Variants in L3HYPDH observed in about 807,000 individuals in gnomAD.
L3HYPDH encodes trans-3-hydroxy-L-proline dehydratase.
A neutral mutation model predicts 26.5 loss-of-function variants in L3HYPDH; 32 were observed. That is an observed-to-expected ratio of 1.21 (90% CI 0.91 to 1.62). The LOEUF (loss-of-function observed/expected upper bound fraction) is 1.62, where lower values mean the gene tolerates loss of function less well. Among genes scored for constraint, L3HYPDH ranks in the 40% most tolerant of loss-of-function variants. L3HYPDH has a pLI of 0.00. For missense variants in L3HYPDH, 554 were observed against 476.4 expected, an observed-to-expected ratio of 1.16 and a Z score of -1.52; for synonymous variants, 215 against 196.6, an observed-to-expected ratio of 1.09 and a Z score of -0.78.
At chr14:59,504,081 A>T in the L3HYPDH span, 16 of 1,575,280 alleles carry the variant, frequency 1.0e-5, no homozygotes, top group Non-Finnish European at 1.4e-5. Flanking sequence ...GAGTGTAGAC[A>T]TGTGAAATGC....
rs753500660 is a variant in L3HYPDH, at chr14:59,473,041, T to A, written c.989A>T (p.Gln330Leu). 2.5e-6 allele frequency: 4 copies of A among 1,608,368 alleles called. No individual in the cohort carries two copies. Among genetic ancestry groups the A allele is most frequent in the Non-Finnish European group, 3.4e-6 (4 of 1,177,788 alleles). ...GCTTGCTGTACCCGTGTAATGGGCTTGTCCTGATACTTCCACTATAACAGC... is the reference window on the plus strand; with the variant it reads ...GCTTGCTGTACCCGTGTAATGGGCTAGTCCTGATACTTCCACTATAACAGC... Reference protein sequence around the residue: ...FKAVIVEVSGQAHYTGTASFI... With the variant: ...FKAVIVEVSGLAHYTGTASFI... The change falls in exon 5 of 5, where the codon CAA becomes CTA. Residue 330 changes from glutamine (Q) to leucine (L), a missense_variant. Physicochemically the swap from Gln to Leu is moderately radical, Grantham distance 113. Transcript: ENST00000247194.
At chr14:59,474,531 A>G in intron 4 of L3HYPDH, 1 of 699,824 alleles carries the variant, frequency 1.4e-6, no homozygotes, top group Non-Finnish European at 2.6e-6. Flanking sequence ...CAGCTCCTAT[A>G]ATATAAAGCC....
intron 1 of L3HYPDH, among the ~76,000 whole-genome samples, chr14:59,483,131 T>C (rs1890158943): frequency 6.6e-6 from 1 of 152,184 alleles, no homozygotes; most frequent in African/African-American, 2.4e-5. Flanking sequence ...ATACAGTATC[T>C]TGCATACTCT....
At chr14:59,503,719 G>A in the L3HYPDH span, 6 of 613,554 alleles carry the variant, frequency 9.8e-6, no homozygotes, top group Non-Finnish European at 1.6e-5. Context: ...GATTTCTTAA[G>A]TCTTTTTTAG....
chr14:59,476,126 G>A lies in L3HYPDH; in HGVS notation c.767C>T (p.Pro256Leu). Residue 256 changes from proline to leucine, a missense_variant, in exon 3 of 5, where the codon CCA becomes CTA. By Grantham distance (98) the Pro-to-Leu change is moderately conservative. Coordinates refer to ENST00000247194, the MANE Select transcript of L3HYPDH (RefSeq NM_144581.2). ...TDGKDAYTKE[P>L]TTNICVFADE... ...TGCAAAAACACAAATGTTGGTGGTT[G>A]GTTCCTTGGTATAAGCATCTTTTCC... is the stretch of plus-strand genomic sequence containing the variant. 6.2e-7 allele frequency: 1 copy of A among 1,613,928 alleles called. No individual in the cohort carries two copies. Among genetic ancestry groups the A allele is most frequent in the Non-Finnish European group, 8.5e-7 (1 of 1,179,898 alleles).
At chr14:59,467,139 T>C (rs1889209942) in intron 1 of L3HYPDH, among the ~76,000 whole-genome samples, 1 of 150,610 alleles carries the variant, frequency 6.6e-6, no homozygotes, top group African/African-American at 2.5e-5. Flanking sequence ...CTAAATATTG[T>C]CTTAAAAATA....
At chr14:59,501,282 T>C in the L3HYPDH span, 1 of 1,526,968 alleles carries the variant, frequency 6.5e-7, no homozygotes. Flanking sequence ...GAAGTCTTTT[T>C]TTCCTTTGTT....
At position 59,484,335 on chromosome 14, in the gene L3HYPDH, C is replaced by A. The variant is rs377327299; in HGVS notation, c.-19G>T. 9 of 1,567,586 alleles carry A rather than the reference C, an allele frequency of 5.7e-6. No individual in the cohort carries two copies. Among genetic ancestry groups the A allele is most frequent in the Non-Finnish European group, 7.7e-6 (9 of 1,163,328 alleles). ...TCTCCATGGTCTGCGTCGGGGGAGA[C>A]GAGTACGGTCCCGCAGCTATGGCTT... On this transcript the variant is annotated 5_prime_UTR_variant, in exon 1 of 5. Coordinates refer to ENST00000247194, the MANE Select transcript of L3HYPDH (RefSeq NM_144581.2).
At chr14:59,500,482 A>T in the L3HYPDH span, among the ~76,000 whole-genome samples, 1 of 152,226 alleles carries the variant, frequency 6.6e-6, no homozygotes, top group Non-Finnish European at 1.5e-5. Context: ...AAATTTGCTT[A>T]AAGTATTACT....
rs768173505 is a variant in L3HYPDH, at chr14:59,484,093, A to T, written c.224T>A (p.Met75Lys). 1.9e-6 allele frequency: 3 copies of T among 1,606,408 alleles called. No homozygotes were observed. Among genetic ancestry groups the T allele is most frequent in the Non-Finnish European group, 2.5e-6 (3 of 1,179,456 alleles). ...LMFEPRGHRD[M>K]YGAVLVPSEL... ...GCTCGGGACTAGGACCGCCCCGTAC[A>T]TGTCCCGGTGCCCTCGGGGCTCGAA... The change falls in exon 1 of 5, where the codon ATG becomes AAG. Residue 75 changes from methionine to lysine, a missense_variant. Met to Lys is a moderately conservative substitution (Grantham distance 95). Transcript: ENST00000247194.
chr14:59,481,344 T>C (rs962992860), intron 1 of L3HYPDH, among the ~76,000 whole-genome samples: 41 of 152,214 alleles, frequency 2.7e-4, no homozygotes, highest in African/African-American at 9.7e-4. Flanking sequence ...ATTACATTAG[T>C]GCCTTAATTA....
At chr14:59,495,527 T>C in the L3HYPDH span, among the ~76,000 whole-genome samples, 1 of 152,208 alleles carries the variant, frequency 6.6e-6, no homozygotes, top group Non-Finnish European at 1.5e-5. Context: ...TTTGGATTAG[T>C]GTTTTTTCTT....
the L3HYPDH span, chr14:59,498,678 C>CA: frequency 9.6e-7 from 1 of 1,045,902 alleles, no homozygotes; most frequent in East Asian, 2.7e-5. Context: ...AGATTAAAAA[C>CA]ATTTTTAAAA....
At chr14:59,469,405 A>T (rs907292000), downstream of L3HYPDH, among the ~76,000 whole-genome samples, 1 of 151,944 alleles carries the variant, frequency 6.6e-6, no homozygotes, top group African/African-American at 2.4e-5. Flanking sequence ...ATACAAAAAA[A>T]TTAGCTGAAC....
intron 1 of L3HYPDH, chr14:59,483,446 T>TG: frequency 1.8e-6 from 2 of 1,088,656 alleles, no homozygotes; most frequent in South Asian, 5.1e-5. Flanking sequence ...CCTGGAACCC[T>TG]GGTACATTGG....
rs1367323214 is a variant in L3HYPDH at position 59,484,089 on chromosome 14, G to T, written c.228C>A (p.Tyr76Ter). 6.2e-7 allele frequency: 1 copy of T among 1,606,558 alleles called. No homozygotes were observed. ...MFEPRGHRDMYGAVLVPSELP... is the reference protein window; with the variant it reads ...MFEPRGHRDM The stretch of plus-strand genomic sequence containing the variant: ...GCTCGCTCGGGACTAGGACCGCCCC[G>T]TACATGTCCCGGTGCCCTCGGGGCT... The change falls in exon 1 of 5, where the codon TAC (tyrosine) becomes TAA (stop). Residue 76 changes from tyrosine (Y) to a stop codon, truncating the protein, a stop_gained. Coordinates refer to ENST00000247194, the MANE Select transcript of L3HYPDH (RefSeq NM_144581.2). LOFTEE classifies it high-confidence loss of function.
At position 59,476,152 on chromosome 14, in the gene L3HYPDH, A is replaced by G; in HGVS notation, c.741T>C (p.Asp247=). 2 of 1,613,720 alleles carry G rather than the reference A, an allele frequency of 1.2e-6. No individual in the cohort carries two copies. Among genetic ancestry groups the G allele is most frequent in the Non-Finnish European group, 1.7e-6 (2 of 1,179,666 alleles). Residue 247 remains aspartate, a synonymous_variant, in exon 3 of 5, where the codon GAT becomes GAC. Coordinates refer to ENST00000247194, the MANE Select transcript of L3HYPDH (RefSeq NM_144581.2). Reference sequence around the variant, plus strand: ...GTTCCTTGGTATAAGCATCTTTTCCATCTGTTAATATAGTTCCATATAAAA... The same window carrying G: ...GTTCCTTGGTATAAGCATCTTTTCCGTCTGTTAATATAGTTCCATATAAAA... ...LAFLYGTILT[D]GKDAYTKEPT...
At chr14:59,476,245 A>G in intron 2 of L3HYPDH, 31 bp from the exon 3 acceptor site, 2 of 1,285,372 alleles carry the variant, frequency 1.6e-6, no homozygotes, top group Non-Finnish European at 2.1e-6. Flanking sequence ...TCACATGCAA[A>G]ATAAATATTT....
the L3HYPDH span, among the ~76,000 whole-genome samples, chr14:59,503,627 G>A: frequency 3.3e-5 from 5 of 152,170 alleles, no homozygotes; most frequent in Non-Finnish European, 7.3e-5. Flanking sequence ...CGTAGCTTTC[G>A]TCTGGGTGCC....
Sources: gnomAD v4.1 joint callset for allele counts (sites outside exome capture counted in the v4.1 genomes callset) on GRCh38, gnomAD v4.1.1 for gene constraint, MANE v1.5 for transcripts, NCBI Gene and HGNC (gene_info 2026-07-23, HGNC 2026-07-21) for gene names.